The following BSN variants were observed in gnomAD, a reference collection of about 807,000 sequenced individuals.
BSN encodes the protein bassoon presynaptic cytomatrix protein, also known as protein bassoon.
Under a neutral mutation model 264.8 loss-of-function variants are expected in BSN, and 57 were observed. The ratio of observed to expected loss-of-function variants is 0.22; its 90% CI spans 0.17 to 0.27. BSN has a LOEUF of 0.27. BSN is among the 10% of genes least tolerant of loss of function. The pLI is 1.00. For missense variants in BSN, 4,615 were observed against 5,232.5 expected (o/e 0.88, Z 3.64); for synonymous variants, 2,059 against 2,137.3 (o/e 0.96, Z 1.01).
intron 1 of BSN, among the ~76,000 whole-genome samples, chr3:49,621,561 T>C (rs2052305680): frequency 6.6e-6 from 1 of 152,014 alleles, no homozygotes; most frequent in African/African-American, 2.4e-5. Flanking sequence ...TCAAATGAGA[T>C]GAGGAACTGA....
Position 49,657,303 on chromosome 3 carries a change from A to T in BSN, c.7747A>T (p.Ser2583Cys). The T allele has an allele frequency of 6.2e-7, 1 of 1,613,406 alleles. No homozygotes were observed. The change falls in exon 5 of 12, where the codon AGC becomes TGC. Residue 2583 changes from serine (S) to cysteine (C), a missense_variant. By Grantham distance (112) the Ser-to-Cys change is moderately radical. Around this residue, in one of 3 missense-constraint regions of BSN, gnomAD observed 3,415 missense variants for 3,866.4 expected, o/e 0.88. Coordinates refer to ENST00000296452, the MANE Select transcript of BSN (RefSeq NM_003458.4). ...CTGTGTGGTCAGGAGGATTGCCGACAGCAGCGTGCAGACAGACGATGAGGA... is the reference window on the plus strand; with the variant it reads ...CTGTGTGGTCAGGAGGATTGCCGACTGCAGCGTGCAGACAGACGATGAGGA... ...EPCVVRRIAD[S>C]SVQTDDEDGE...
Position 49,566,715 on chromosome 3 carries a change from G to A in BSN, c.224+11889G>A, listed in dbSNP as rs576212447. 1.3e-3 allele frequency among the ~76,000 whole-genome samples: 189 copies of A among 150,426 alleles called. 1 individual carries two copies. The highest frequency in any genetic ancestry group is 4.2e-3 in the African/African-American group (172 of 40,882). ...GTGGGAAGATCACTTGAAACTGGGA[G>A]GTCAAGACTGCAGTGAGCTGAAATC... On this transcript the variant is annotated intron_variant, in intron 1 of 11. Transcript: ENST00000296452.
Position 49,625,044 on chromosome 3 carries a change from G to C in BSN, c.294G>C (p.Gln98His). 3 of 1,593,884 alleles carry C rather than the reference G, an allele frequency of 1.9e-6. No homozygotes were observed. Among genetic ancestry groups the C allele is most frequent in the Admixed American group, 1.9e-5 (1 of 53,752 alleles). Reference sequence around the variant, plus strand: ...GAGCAGCTTCCCCAACTCCGAAGCAGGCTTCTGCTACCACTCCTGGCCATG... The same window carrying C: ...GAGCAGCTTCCCCAACTCCGAAGCACGCTTCTGCTACCACTCCTGGCCATG... ...NQRAASPTPKQASATTPGHES... is the reference protein window; with the variant it reads ...NQRAASPTPKHASATTPGHES... Residue 98 changes from glutamine to histidine, a missense_variant, in exon 2 of 12, where the codon CAG becomes CAC. Coordinates refer to ENST00000296452, the MANE Select transcript of BSN (RefSeq NM_003458.4). The surrounding 1 kb of genome is among the most constrained non-coding windows in gnomAD (Gnocchi z 4.4).
intron 1 of BSN, among the ~76,000 whole-genome samples, chr3:49,558,390 C>T (rs2051690103): frequency 6.6e-6 from 1 of 152,164 alleles, no homozygotes; most frequent in Non-Finnish European, 1.5e-5. Context: ...TCACTCCTGG[C>T]CCATATGTTA....
chr3:49,599,568 A>G (rs1337490053), intron 1 of BSN, among the ~76,000 whole-genome samples: 1 of 152,148 alleles, frequency 6.6e-6, no homozygotes, highest in Non-Finnish European at 1.5e-5. Flanking sequence ...GTTGTTGTCC[A>G]AACACCACAG....
intron 1 of BSN, among the ~76,000 whole-genome samples, chr3:49,606,108 A>G (rs1430285214): frequency 1.2e-5 from 1 of 83,264 alleles, no homozygotes; most frequent in Non-Finnish European, 2.0e-5. Context: ...CATATAATAT[A>G]TAATATATAC....
Position 49,631,515 on chromosome 3 carries a change from G to A in BSN, c.633+6132G>A, listed in dbSNP as rs142472745. Among the ~76,000 whole-genome samples the A allele has an allele frequency of 6.1e-3, 911 of 150,276 alleles. 16 individuals carry two copies. Among genetic ancestry groups the A allele is most frequent in the Non-Finnish European group, 3.8e-3 (258 of 67,786 alleles). On this transcript the variant is annotated intron_variant, in intron 2 of 11. Coordinates refer to ENST00000296452, the MANE Select transcript of BSN (RefSeq NM_003458.4). ...TCTAGGCTACATGAGCCATGATCAT[G>A]CCACTGCCCTCCAGCCAGGGTGACA...
chr3:49,614,000 G>A (rs1018119661), intron 1 of BSN, among the ~76,000 whole-genome samples: 27 of 150,008 alleles, frequency 1.8e-4, no homozygotes, highest in Non-Finnish European at 2.7e-4. Context: ...CAGATGAGCC[G>A]TCATTCACAC....
Position 49,657,914 on chromosome 3 carries a change from G to A in BSN, c.8358G>A (p.Gln2786=), listed in dbSNP as rs1258715106. The stretch of plus-strand genomic sequence containing the variant: ...CTCTCTCACAGCTTGTGAGCCGCCA[G>A]CCTCCCAAGTCCCCTCAGGTCCTCT... The part of the protein sequence containing the change: ...PESLSQLVSR[Q]PPKSPQVLYS... Residue 2786 remains glutamine (Q), a synonymous_variant, in exon 5 of 12, where the codon CAG becomes CAA. Transcript: ENST00000296452. 3.1e-6 allele frequency: 5 copies of A among 1,613,806 alleles called. No homozygotes were observed. The highest frequency in any genetic ancestry group is 4.2e-6 in the Non-Finnish European group (5 of 1,179,906).
chr3:49,650,543 T>C (rs1433948414), intron 3 of BSN, 69 bp from the exon 4 acceptor site: 6 of 1,387,696 alleles, frequency 4.3e-6, no homozygotes, highest in Non-Finnish European at 5.0e-6. Flanking sequence ...GAAATAGTTA[T>C]GGAAATATTA....
intron 2 of BSN, among the ~76,000 whole-genome samples, chr3:49,626,956 T>C (rs2052346045): frequency 6.6e-6 from 1 of 152,220 alleles, no homozygotes; most frequent in African/African-American, 2.4e-5. Context: ...GAGCCAGCCT[T>C]TGGCTGTGCC....
At position 49,651,909 on chromosome 3, in the gene BSN, G is replaced by A. The variant is rs139369583; in HGVS notation, c.2353G>A (p.Glu785Lys). ...GCTGGAGGATATCCTGGAGGAAGAC[G>A]AAGACTCTGCTGAGTGGAGGCGCCG... ...EELEDILEEDEDSAEWRRRRE... is the reference protein window; with the variant it reads ...EELEDILEEDKDSAEWRRRRE... The change falls in exon 5 of 12, where the codon GAA (glutamate) becomes AAA (lysine). Residue 785 changes from glutamate (E) to lysine (K), a missense_variant. Physicochemically the swap from Glu to Lys is moderately conservative, Grantham distance 56. Around this residue, in one of 3 missense-constraint regions of BSN, gnomAD observed 1,197 missense variants for 1,348.0 expected, o/e 0.89. Coordinates refer to ENST00000296452, the MANE Select transcript of BSN (RefSeq NM_003458.4). This position sits in a 1 kb window ranked among gnomAD's most constrained non-coding sequence, Gnocchi z 5.4. The A allele has an allele frequency of 6.6e-5, 106 of 1,613,920 alleles. No homozygotes were observed. The highest frequency in any genetic ancestry group is 8.4e-5 in the Non-Finnish European group (99 of 1,179,986).
chr3:49,663,277 C>T lies in BSN; in HGVS notation c.11119C>T (p.Gln3707Ter). 1 of 1,614,154 alleles carries T rather than the reference C, an allele frequency of 6.2e-7. No individual in the cohort carries two copies. The highest frequency in any genetic ancestry group is 8.5e-7 in the Non-Finnish European group (1 of 1,180,028). ...GTATCCCAGCTCTGCTGAGTACTCA[C>T]AGCCATCCCGTGCTTCATCCGCATA... is the stretch of plus-strand genomic sequence containing the variant. ...PGYPSSAEYS[Q>*]PSRASSAYHH... is the part of the protein sequence containing the mutation. The change falls in exon 7 of 12, where the codon CAG becomes TAG. Residue 3707 changes from glutamine to a stop codon, truncating the protein, a stop_gained. Transcript: ENST00000296452. LOFTEE classifies it high-confidence loss of function.
At position 49,642,529 on chromosome 3, in the gene BSN, G is replaced by A. The variant is rs146673139; in HGVS notation, c.895G>A (p.Val299Met). 70 of 1,585,298 alleles carry A rather than the reference G, an allele frequency of 4.4e-5. No homozygotes were observed. The highest frequency in any genetic ancestry group is 5.7e-5 in the Non-Finnish European group (66 of 1,163,648). ...GPAQAAAPPEVGRVSPQPPQP... is the reference protein window; with the variant it reads ...GPAQAAAPPEMGRVSPQPPQP... ...TGCCCAAGCAGCTGCCCCTCCAGAG[G>A]TGGGGAGGGTGTCTCCTCAGCCCCC... The change falls in exon 3 of 12, where the codon GTG becomes ATG. Residue 299 changes from valine (V) to methionine (M), a missense_variant. Physicochemically the swap from Val to Met is conservative, Grantham distance 21 (BLOSUM62 1). Transcript: ENST00000296452. This position sits in a 1 kb window ranked among gnomAD's most constrained non-coding sequence, Gnocchi z 7.0.
chr3:49,557,341 G>A (rs983456081), intron 1 of BSN, among the ~76,000 whole-genome samples: 2 of 152,112 alleles, frequency 1.3e-5, no homozygotes, highest in South Asian at 2.1e-4. Flanking sequence ...AGATGAAGGG[G>A]CATCATTCAC....
downstream of BSN, among the ~76,000 whole-genome samples, chr3:49,672,479 C>CTTTTTTT (rs371314787): frequency 1.4e-5 from 2 of 143,052 alleles, no homozygotes. Context: ...AGTTGGGACT[C>CTTTTTTT]TTTTTTTTTT....
In BSN at chr3:49,625,470, C is replaced by G. The variant is rs948071996; in HGVS notation, c.633+87C>G. On this transcript the variant is annotated intron_variant, in intron 2 of 11. Transcript: ENST00000296452. The surrounding 1 kb of genome is among the most constrained non-coding windows in gnomAD (Gnocchi z 4.4). ...TCCCTTCCCCTCTTTCACCAACTCT[C>G]TTTTCCTGGTCATTTCCCTTGACCA... 1.1e-5 allele frequency: 14 copies of G among 1,277,982 alleles called. No individual in the cohort carries two copies. The highest frequency in any genetic ancestry group is 1.4e-5 in the Non-Finnish European group (14 of 978,030). 79.2% of individuals were successfully genotyped at this position (1,277,982 alleles called of 1,614,324 possible).
Position 49,661,828 on chromosome 3 carries a change from G to C in BSN, c.9983G>C (p.Gly3328Ala), listed in dbSNP as rs1333849738. Residue 3328 changes from glycine (G) to alanine (A), a missense_variant, in exon 6 of 12, where the codon GGG becomes GCG. Gly to Ala is a moderately conservative substitution (Grantham distance 60, BLOSUM62 0). Coordinates refer to ENST00000296452, the MANE Select transcript of BSN (RefSeq NM_003458.4). ...TATGGTGACAGTGACTACAGGCATG[G>C]GGCTCGAGTAGAGAAGTATGGTCCA... Reference protein sequence around the residue: ...HYYGDSDYRHGARVEKYGPGP... With the variant: ...HYYGDSDYRHAARVEKYGPGP... 10 of 1,613,430 alleles carry C rather than the reference G, an allele frequency of 6.2e-6. No individual in the cohort carries two copies. In the Admixed American group the frequency reaches 1.0e-4, roughly 16 times the overall value.
chr3:49,555,623 C>T (rs1256254011), intron 1 of BSN, among the ~76,000 whole-genome samples: 1 of 152,180 alleles, frequency 6.6e-6, no homozygotes, highest in Non-Finnish European at 1.5e-5. Context: ...TATGCCAACC[C>T]AGGTCCTGCA....
Sources: allele counts gnomAD v4.1 joint callset (sites outside exome capture counted in the v4.1 genomes callset), GRCh38; gene constraint gnomAD v4.1.1; regional missense constraint gnomAD v4.1.1; non-coding constraint Gnocchi (gnomAD v3.1); transcripts MANE v1.5; gene names NCBI Gene and HGNC (gene_info 2026-07-23, HGNC 2026-07-21).